Variants in HEMK1 observed in about 807,000 individuals in gnomAD.
HEMK1 encodes MTRF1L release factor glutamine methyltransferase.
A neutral mutation model predicts 47.9 loss-of-function variants in HEMK1; 36 were observed. The ratio of observed to expected loss-of-function variants is 0.75; its 90% CI spans 0.58 to 0.99. The LOEUF is 0.99. Ranked by LOEUF, HEMK1 falls within the 50% of genes least tolerant of loss-of-function variation. The probability of loss-of-function intolerance (pLI) is 0.00; values close to 1 mark genes in which losing one functional copy is unlikely to be tolerated. For missense variants in HEMK1, 383 were observed against 434.5 expected (o/e 0.88, Z 1.05); for synonymous variants, 153 against 165.4 (o/e 0.93, Z 0.57).
Position 50,571,764 on chromosome 3 carries a change from CAGTGTA to C in HEMK1, c.284_289del (p.Gln95_Ile97delinsLeu). On this transcript the variant is annotated inframe_deletion, in exon 3 of 11. Transcript: ENST00000232854. ...CCAGCCCTTGACCTCTCAGCAACTA[CAGTGTA>C]TCCGGGAGCTGAGTAGCCGTCGATT... The C allele has an allele frequency of 6.2e-7, 1 of 1,614,054 alleles. No homozygotes were observed. The highest frequency in any genetic ancestry group is 8.5e-7 in the Non-Finnish European group (1 of 1,180,018).
intron 3 of HEMK1, 59 bp from the exon 4 acceptor site, chr3:50,572,056 G>C: frequency 6.2e-7 from 1 of 1,608,180 alleles, no homozygotes; most frequent in Non-Finnish European, 8.5e-7. Flanking sequence ...CTCAACCCAG[G>C]CATGGTCCTG....
rs1156452755 is a variant in HEMK1 at position 50,580,444 on chromosome 3, A to T, written c.*27A>T. The T allele has an allele frequency of 2.5e-6, 4 of 1,613,456 alleles. No homozygotes were observed. The highest frequency in any genetic ancestry group is 1.7e-5 in the Admixed American group (1 of 59,984). ...ATGGCTGCCCTGTGGATGCCTTGTC[A>T]GTGCCGCCAGCCTGACCAGAGGGGA... On this transcript the variant is annotated 3_prime_UTR_variant, in exon 11 of 11. Transcript: ENST00000232854.
intron 9 of HEMK1, 83 bp from the exon 10 acceptor site, chr3:50,580,033 C>A: frequency 6.6e-7 from 1 of 1,520,082 alleles, no homozygotes. Context: ...CAGCACAGGA[C>A]CCTCACCTCG....
rs780051212 is a variant in HEMK1 at position 50,571,203 on chromosome 3, A to T, written c.99A>T (p.Pro33=). 2 of 1,613,434 alleles carry T rather than the reference A, an allele frequency of 1.2e-6. No homozygotes were observed. Among genetic ancestry groups the T allele is most frequent in the South Asian group, 2.2e-5 (2 of 91,008 alleles). The change falls in exon 2 of 11, where the codon CCA becomes CCT. Residue 33 remains proline, a synonymous_variant. Coordinates refer to ENST00000232854, the MANE Select transcript of HEMK1 (RefSeq NM_016173.5). ...GWAFSSWQPQ[P]PLAGLSSAIE... ...CCTTCAGCTCATGGCAACCCCAACC[A>T]CCTCTGGCTGGGTTATCCAGTGCCA...
Position 50,592,742 on chromosome 3 carries a change from C to A in HEMK1, c.*12325C>A. 6.6e-6 allele frequency: 1 copy of A among 152,590 alleles called. No individual in the cohort carries two copies. 9.5% of individuals were successfully genotyped at this position (152,590 alleles called of 1,614,324 possible). A position where few individuals can be genotyped will look rare whatever the true frequency, so the allele number is the denominator to read the frequency against. Reference sequence around the variant, plus strand: ...AACAGAGCCTCTGCCAGAGTCACCACCTGCCCCCAACCCTACTTCTCCTCC... The same window carrying A: ...AACAGAGCCTCTGCCAGAGTCACCAACTGCCCCCAACCCTACTTCTCCTCC... On this transcript the variant is annotated 3_prime_UTR_variant, in exon 11 of 11. Transcript: ENST00000232854.
chr3:50,578,961 GA>G, intron 8 of HEMK1, 35 bp downstream of exon 8: 1 of 1,486,974 alleles, frequency 6.7e-7, no homozygotes, highest in Non-Finnish European at 9.3e-7. Context: ...GGCCAGGCCT[GA>G]AAAGGCCTGA....
At chr3:50,580,048 C>T in intron 9 of HEMK1, 68 bp from the exon 10 acceptor site, 1 of 1,538,296 alleles carries the variant, frequency 6.5e-7, no homozygotes, top group East Asian at 2.2e-5. Context: ...ACCTCGCCAG[C>T]CCAAGCAGCC....
intron 2 of HEMK1, 55 bp downstream of exon 2, chr3:50,571,387 A>G (rs1467799121): frequency 5.9e-6 from 8 of 1,350,500 alleles, no homozygotes; most frequent in African/African-American, 1.5e-5. Flanking sequence ...GGACTTGGGG[A>G]AGGGATATCC....
At chr3:50,575,147 G>A (rs1701431259) in intron 4 of HEMK1, among the ~76,000 whole-genome samples, 1 of 152,144 alleles carries the variant, frequency 6.6e-6, no homozygotes, top group African/African-American at 2.4e-5. Flanking sequence ...AGAGGGCCAG[G>A]CGCTGTGGCT....
chr3:50,577,184 C>T lies in HEMK1; in HGVS notation c.547C>T (p.Gln183Ter). 6.2e-7 allele frequency: 1 copy of T among 1,608,522 alleles called. No individual in the cohort carries two copies. The highest frequency in any genetic ancestry group is 2.2e-5 in the East Asian group (1 of 44,830). The change falls in exon 5 of 11, where the codon CAG becomes TAG. Residue 183 changes from glutamine to a stop codon, truncating the protein, a stop_gained and splice_region_variant. Coordinates refer to ENST00000232854, the MANE Select transcript of HEMK1 (RefSeq NM_016173.5). LOFTEE classifies it high-confidence loss of function. ...CCTCAGCCTGCTGAGCCAGCTCCCC[C>T]AGGTGAGCCCCTCCACCCACTCTGG... The part of the protein sequence containing the change: ...ISLSLLSQLP[Q>*]SRVIAVDKRE...
chr3:50,584,070 AC>A lies in HEMK1; in HGVS notation c.*3656del, dbSNP rs2031121613. ...CCATGAGGACCTGGCCTTCTGCCCG[AC>A]CCAGGCAGCCATTCAAGTTGAGCAA... On this transcript the variant is annotated 3_prime_UTR_variant, in exon 11 of 11. Transcript: ENST00000232854. 6.6e-6 allele frequency: 1 copy of A among 152,140 alleles called. No homozygotes were observed. The highest frequency in any genetic ancestry group is 2.1e-4 in the South Asian group (1 of 4,822). 9.4% of individuals were successfully genotyped at this position (152,140 alleles called of 1,614,324 possible). A position where few individuals can be genotyped will look rare whatever the true frequency, so the allele number is the denominator to read the frequency against.
Position 50,578,314 on chromosome 3 carries a change from C to T in HEMK1, c.664+439C>T, listed in dbSNP as rs561198138. Among the ~76,000 whole-genome samples the T allele has an allele frequency of 7.9e-5, 12 of 152,352 alleles. No homozygotes were observed. In the South Asian group the frequency reaches 2.1e-3, roughly 26 times the overall value. ...TCCAGGCCTCCAACTCCAGTTCTGG[C>T]TCCATTGCCTTACCCGTGGGATCCT... On this transcript the variant is annotated intron_variant, in intron 7 of 10. Coordinates refer to ENST00000232854, the MANE Select transcript of HEMK1 (RefSeq NM_016173.5).
At chr3:50,570,865 A>C in intron 1 of HEMK1, 66 bp from the exon 2 acceptor site, 1 of 420,836 alleles carries the variant, frequency 2.4e-6, no homozygotes, top group Non-Finnish European at 4.2e-6. Flanking sequence ...TTCTCAGGCA[A>C]TGTATTGGTA....
In HEMK1 at chr3:50,571,200, A is replaced by G. The variant is rs369978269; in HGVS notation, c.96A>G (p.Gln32=). Residue 32 remains glutamine, a synonymous_variant, in exon 2 of 11, where the codon CAA becomes CAG. Transcript: ENST00000232854. ...RGWAFSSWQP[Q]PPLAGLSSAI... is the part of the protein sequence containing the mutation. Reference sequence around the variant, plus strand: ...GGGCCTTCAGCTCATGGCAACCCCAACCACCTCTGGCTGGGTTATCCAGTG... The same window carrying G: ...GGGCCTTCAGCTCATGGCAACCCCAGCCACCTCTGGCTGGGTTATCCAGTG... 1.7e-5 allele frequency: 28 copies of G among 1,613,576 alleles called. No individual in the cohort carries two copies. The highest frequency in any genetic ancestry group is 2.3e-5 in the Non-Finnish European group (27 of 1,179,802).
In HEMK1 at chr3:50,583,171, C is replaced by T. The variant is rs1055779241; in HGVS notation, c.*2754C>T. On this transcript the variant is annotated 3_prime_UTR_variant, in exon 11 of 11. Transcript: ENST00000232854. Reference sequence around the variant, plus strand: ...GTACTCTGGGAGAGTAATTCTATCTCCTCTTCTGATAGTTGGGGAAACTGA... The same window carrying T: ...GTACTCTGGGAGAGTAATTCTATCTTCTCTTCTGATAGTTGGGGAAACTGA... 1.3e-5 allele frequency: 2 copies of T among 152,220 alleles called. No individual in the cohort carries two copies. The highest frequency in any genetic ancestry group is 2.4e-5 in the African/African-American group (1 of 41,438). 9.4% of individuals were successfully genotyped at this position (152,220 alleles called of 1,614,324 possible).
At position 50,570,983 on chromosome 3, in the gene HEMK1, T is replaced by A; in HGVS notation, c.-122T>A. On this transcript the variant is annotated 5_prime_UTR_variant, in exon 2 of 11. Coordinates refer to ENST00000232854, the MANE Select transcript of HEMK1 (RefSeq NM_016173.5). ...AGAGCCATTTTGGGGCACCAGAGCTTGTGACCTCTCCATCTCCACCCAGCT... is the reference window on the plus strand; with the variant it reads ...AGAGCCATTTTGGGGCACCAGAGCTAGTGACCTCTCCATCTCCACCCAGCT... 4.3e-6 allele frequency: 3 copies of A among 690,476 alleles called. No individual in the cohort carries two copies. Among genetic ancestry groups the A allele is most frequent in the Non-Finnish European group, 2.4e-6 (1 of 422,482 alleles). 42.8% of individuals were successfully genotyped at this position (690,476 alleles called of 1,614,324 possible).
Position 50,580,357 on chromosome 3 carries a change from CAGCCCCT to C in HEMK1, c.981-23_981-17del. On this transcript the variant is annotated splice_polypyrimidine_tract_variant and intron_variant, in intron 10 of 10. Coordinates refer to ENST00000232854, the MANE Select transcript of HEMK1 (RefSeq NM_016173.5). ...CATTCCCTGAGGCCCAGGTGGTAAC[CAGCCCCT>C]GTCCCTGTCTCCTCAGGCCCCGGTT... is the stretch of plus-strand genomic sequence containing the variant. The C allele has an allele frequency of 6.2e-7, 1 of 1,614,088 alleles. No individual in the cohort carries two copies. The highest frequency in any genetic ancestry group is 8.5e-7 in the Non-Finnish European group (1 of 1,179,956).
At chr3:50,571,383 G>A (rs750750023) in intron 2 of HEMK1, 51 bp downstream of exon 2, 2 of 1,372,674 alleles carry the variant, frequency 1.5e-6, no homozygotes, top group Non-Finnish European at 1.0e-6. Flanking sequence ...GGGAGGACTT[G>A]GGGAAGGGAT....
rs192219149 is a variant in HEMK1, at chr3:50,571,773, C to T, written c.292C>T (p.Arg98Trp). Residue 98 changes from arginine (R) to tryptophan (W), a missense_variant, in exon 3 of 11, where the codon CGG becomes TGG. Physicochemically the swap from Arg to Trp is moderately radical, Grantham distance 101 (BLOSUM62 -3). Transcript: ENST00000232854. ...GACCTCTCAGCAACTACAGTGTATC[C>T]GGGAGCTGAGTAGCCGTCGATTGCA... ...PLTSQQLQCIRELSSRRLQRM... is the reference protein window; with the variant it reads ...PLTSQQLQCIWELSSRRLQRM... 73 of 1,614,124 alleles carry T rather than the reference C, an allele frequency of 4.5e-5. No individual in the cohort carries two copies. Among genetic ancestry groups the T allele is most frequent in the South Asian group, 3.2e-4 (29 of 91,082 alleles).
Sources: allele counts gnomAD v4.1 joint callset (sites outside exome capture counted in the v4.1 genomes callset), GRCh38; gene constraint gnomAD v4.1.1; transcripts MANE v1.5; gene names NCBI Gene and HGNC (gene_info 2026-07-23, HGNC 2026-07-21).